The following ZNF677 variants were observed in gnomAD, a reference collection of about 807,000 sequenced individuals.
ZNF677 encodes hypothetical protein MGC48625.
A neutral mutation model predicts 8.1 loss-of-function variants in ZNF677; 5 were observed. The ratio of observed to expected loss-of-function variants is 0.62; its 90% CI spans 0.32 to 1.29. The LOEUF is 1.29. ZNF677 is among the 50% of genes most tolerant of loss of function. ZNF677 has a pLI of 0.05. For missense variants in ZNF677, 685 were observed against 685.9 expected, an observed-to-expected ratio of 1.00 and a Z score of 0.01; for synonymous variants, 221 against 225.6, an observed-to-expected ratio of 0.98 and a Z score of 0.18.
intron 4 of ZNF677, chr19:53,239,764 T>C (rs546433950): frequency 2.6e-5 from 4 of 152,328 alleles, no homozygotes; most frequent in East Asian, 3.9e-4. Context: ...ACAGCACTAA[T>C]TGATGTAAAT....
At chr19:53,248,205 C>T (rs1037518824) in intron 3 of ZNF677, among the ~76,000 whole-genome samples, 1 of 152,156 alleles carries the variant, frequency 6.6e-6, no homozygotes. Flanking sequence ...GCTAAGTTGG[C>T]TTCAATTGCA....
intron 4 of ZNF677, chr19:53,239,808 C>T (rs1193630620): frequency 6.6e-6 from 1 of 152,034 alleles, no homozygotes; most frequent in Non-Finnish European, 1.5e-5. Flanking sequence ...CTTTTCATAC[C>T]AAAACAAAGG....
chr19:53,244,294 T>G (rs1406205757), intron 3 of ZNF677, among the ~76,000 whole-genome samples: 1 of 152,034 alleles, frequency 6.6e-6, no homozygotes, highest in African/African-American at 2.4e-5. Flanking sequence ...ACCTGGGAGG[T>G]GGAGACTGCA....
chr19:53,243,783 G>C lies in ZNF677; in HGVS notation c.130C>G (p.Leu44Val). ...RDVMLENYRN[L>V]LSLDEDNIPP... is the part of the protein sequence containing the mutation. ...ATGTTATCCTCATCGAGAGAAAGCA[G>C]GTTCCTGTAGTTCTCCAACATCACG... The change falls in exon 4 of 5, where the codon CTG becomes GTG. Residue 44 changes from leucine (L) to valine (V), a missense_variant. By Grantham distance (32) the Leu-to-Val change is conservative (BLOSUM62 1). Transcript: ENST00000598513. 6.2e-7 allele frequency: 1 copy of C among 1,614,188 alleles called. No homozygotes were observed. The highest frequency in any genetic ancestry group is 8.5e-7 in the Non-Finnish European group (1 of 1,180,044).
At chr19:53,248,967 T>C (rs2091190921) in intron 3 of ZNF677, among the ~76,000 whole-genome samples, 1 of 152,216 alleles carries the variant, frequency 6.6e-6, no homozygotes, top group Non-Finnish European at 1.5e-5. Flanking sequence ...AGCTTTCTTA[T>C]ATTGTATTTT....
Position 53,238,184 on chromosome 19 carries a change from G to T in ZNF677, c.543C>A (p.Asn181Lys), listed in dbSNP as rs1324506192. ...KLKNNIRYAG[N>K]KYVKCFENKI... ...TATTTTCAAAACACTTCACGTATTT[G>T]TTTCCGGCATACCTTATGTTATTTT... Residue 181 changes from asparagine (N) to lysine (K), a missense_variant, in exon 5 of 5, where the codon AAC becomes AAA. Asn to Lys is a moderately conservative substitution (Grantham distance 94). Coordinates refer to ENST00000598513, the MANE Select transcript of ZNF677 (RefSeq NM_182609.4). 1.9e-6 allele frequency: 3 copies of T among 1,613,290 alleles called. No individual in the cohort carries two copies. Among genetic ancestry groups the T allele is most frequent in the African/African-American group, 2.7e-5 (2 of 74,836 alleles).
In ZNF677 at chr19:53,237,412, C is replaced by A; in HGVS notation, c.1315G>T (p.Ala439Ser). ...KPHKCNVCGRAFIQSSSLVEH... is the reference protein window; with the variant it reads ...KPHKCNVCGRSFIQSSSLVEH... ...ACAAGACTTGAACTTTGGATAAAAG[C>A]CCTGCCACACACATTACATTTGTGT... The change falls in exon 5 of 5, where the codon GCT becomes TCT. Residue 439 changes from alanine to serine, a missense_variant. By Grantham distance (99) the Ala-to-Ser change is moderately conservative. Transcript: ENST00000598513. The A allele has an allele frequency of 6.2e-7, 1 of 1,614,004 alleles. No homozygotes were observed. Among genetic ancestry groups the A allele is most frequent in the East Asian group, 2.2e-5 (1 of 44,864 alleles).
rs773477246 is a variant in ZNF677, at chr19:53,243,807, C to G, written c.106G>C (p.Val36Leu). 1 of 1,614,062 alleles carries G rather than the reference C, an allele frequency of 6.2e-7. No homozygotes were observed. The highest frequency in any genetic ancestry group is 8.5e-7 in the Non-Finnish European group (1 of 1,180,034). ...DPAQRALYRD[V>L]MLENYRNLLS... The stretch of plus-strand genomic sequence containing the variant: ...AGGTTCCTGTAGTTCTCCAACATCA[C>G]GTCCCTGTACAAGGCCCTCTGGGCA... Residue 36 changes from valine (V) to leucine (L), a missense_variant, in exon 4 of 5, where the codon GTG becomes CTG. Physicochemically the swap from Val to Leu is conservative, Grantham distance 32. Coordinates refer to ENST00000598513, the MANE Select transcript of ZNF677 (RefSeq NM_182609.4).
At chr19:53,249,382 G>A (rs150574236) in intron 3 of ZNF677, 24 of 152,232 alleles carry the variant, frequency 1.6e-4, no homozygotes, top group Non-Finnish European at 2.9e-4. Flanking sequence ...CAGCCAATGC[G>A]GATTCTTTGT....
At chr19:53,242,081 G>A (rs1295221826) in intron 4 of ZNF677, 8 of 394,248 alleles carry the variant, frequency 2.0e-5, no homozygotes, top group South Asian at 1.4e-4. Flanking sequence ...ACAGGCATGC[G>A]CCAACACACC....
intron 2 of ZNF677, 164 bp from the exon 3 acceptor site, chr19:53,251,769 G>T (rs754511271): frequency 4.2e-5 from 23 of 542,486 alleles, no homozygotes; most frequent in African/African-American, 5.8e-5. Flanking sequence ...CCTAAACAGA[G>T]ACTAAGGAGT....
chr19:53,244,142 G>C (rs2091099908), intron 3 of ZNF677: 2 of 432,308 alleles, frequency 4.6e-6, no homozygotes, highest in Non-Finnish European at 8.2e-6. Context: ...TGGGAGGACT[G>C]CTTGAGCTCA....
chr19:53,244,849 A>G (rs2091111274), intron 3 of ZNF677, among the ~76,000 whole-genome samples: 1 of 152,238 alleles, frequency 6.6e-6, no homozygotes, highest in Non-Finnish European at 1.5e-5. Context: ...ATTTCAAAGT[A>G]TATTACAAAG....
chr19:53,243,563 G>A (rs957237573), intron 4 of ZNF677, 181 bp downstream of exon 4: 65 of 742,602 alleles, frequency 8.8e-5, no homozygotes, highest in Non-Finnish European at 1.2e-4. Flanking sequence ...ACCTGATTAT[G>A]CGCAGAACTT....
At chr19:53,253,452 G>A (rs1161590542) in intron 1 of ZNF677, among the ~76,000 whole-genome samples, 1 of 151,926 alleles carries the variant, frequency 6.6e-6, no homozygotes, top group Non-Finnish European at 1.5e-5. Flanking sequence ...AGTGCTTTGA[G>A]AGGCGGAGAC....
chr19:53,248,256 T>C (rs145037297), intron 3 of ZNF677, among the ~76,000 whole-genome samples: 4 of 152,348 alleles, frequency 2.6e-5, no homozygotes, highest in Non-Finnish European at 5.9e-5. Flanking sequence ...TGGTTCTCTT[T>C]ATAATGTCAA....
Position 53,236,942 on chromosome 19 carries a change from TG to T in ZNF677, c.*29del. On this transcript the variant is annotated 3_prime_UTR_variant, in exon 5 of 5. Coordinates refer to ENST00000598513, the MANE Select transcript of ZNF677 (RefSeq NM_182609.4). ...GGCTTTACCACATTTTCGTTTTATA[TG>T]GTTTCTTTTCACAATGGAGCCCCTG... 6.6e-7 allele frequency: 1 copy of T among 1,516,314 alleles called. No individual in the cohort carries two copies. 93.9% of individuals were successfully genotyped at this position (1,516,314 alleles called of 1,614,324 possible).
chr19:53,243,550 C>T, intron 4 of ZNF677, 194 bp downstream of exon 4: 3 of 696,876 alleles, frequency 4.3e-6, no homozygotes, highest in Non-Finnish European at 4.6e-6. Flanking sequence ...CACCACTCGT[C>T]AAACCTGATT....
At chr19:53,242,224 G>A (rs1426583414) in intron 4 of ZNF677, 1 of 398,224 alleles carries the variant, frequency 2.5e-6, no homozygotes, top group Non-Finnish European at 4.4e-6. Context: ...GAGGCACCAC[G>A]CCCATCCGGA....
Sources: allele counts gnomAD v4.1 joint callset (sites outside exome capture counted in the v4.1 genomes callset), GRCh38; gene constraint gnomAD v4.1.1; transcripts MANE v1.5; gene names NCBI Gene and HGNC (gene_info 2026-07-23, HGNC 2026-07-21).